Variants in VEZT observed in about 807,000 individuals in gnomAD.
VEZT encodes the protein vezatin, adherens junctions transmembrane protein, also known as vezatin.
A neutral mutation model predicts 79.9 loss-of-function variants in VEZT; 39 were observed. That is an observed-to-expected ratio of 0.49 (90% CI 0.38 to 0.64). The LOEUF (loss-of-function observed/expected upper bound fraction) is 0.64. Ranked by LOEUF, VEZT falls within the 30% of genes least tolerant of loss-of-function variation. VEZT has a pLI of 0.00. For missense variants in VEZT, 837 were observed against 893.1 expected, an observed-to-expected ratio of 0.94 and a Z score of 0.80; for synonymous variants, 325 against 327.6, an observed-to-expected ratio of 0.99 and a Z score of 0.09.
rs1290293292 is a variant in VEZT, at chr12:95,274,766, C to T, written c.873C>T (p.Asp291=). The T allele has an allele frequency of 6.8e-6, 11 of 1,613,108 alleles. No individual in the cohort carries two copies. Among genetic ancestry groups the T allele is most frequent in the Admixed American group, 6.7e-5 (4 of 59,888 alleles). ...CCTACCCCCTGAACTCTGAGAGTGA[C>T]AATGTAACCAACTACATCTGTGTGG... ...LKNYPLNSES[D]NVTNYICVVP... Residue 291 remains aspartate (D), a synonymous_variant, in exon 7 of 12, where the codon GAC becomes GAT. Transcript: ENST00000436874.
rs945060040 is a variant in VEZT at position 95,266,703 on chromosome 12, A to G, written c.710+71A>G. Reference sequence around the variant, plus strand: ...CCATAAAGGAGAATATTTATTACCTATTTTCATTTCTATGTTGCATTTATA... The same window carrying G: ...CCATAAAGGAGAATATTTATTACCTGTTTTCATTTCTATGTTGCATTTATA... On this transcript the variant is annotated intron_variant, in intron 5 of 11. Coordinates refer to ENST00000436874, the MANE Select transcript of VEZT (RefSeq NM_017599.4). 4 of 1,407,044 alleles carry G rather than the reference A, an allele frequency of 2.8e-6. No homozygotes were observed. In the African/African-American group the frequency reaches 5.8e-5, roughly 20 times the overall value. 87.2% of individuals were successfully genotyped at this position (1,407,044 alleles called of 1,614,324 possible).
Position 95,220,000 on chromosome 12 carries a change from C to T in VEZT, c.36+2114C>T, listed in dbSNP as rs181239035. ...TCTTCATATATTACTAAGCCTTTGT[C>T]ATACTTGCAGAAAAATTTCCAGTTT... is the stretch of plus-strand genomic sequence containing the variant. On this transcript the variant is annotated intron_variant, in intron 1 of 11. Coordinates refer to ENST00000436874, the MANE Select transcript of VEZT (RefSeq NM_017599.4). 5.3e-5 allele frequency among the ~76,000 whole-genome samples: 8 copies of T among 152,292 alleles called. No individual in the cohort carries two copies. In the East Asian group the frequency reaches 9.6e-4, roughly 18 times the overall value.
Position 95,300,532 on chromosome 12 carries a change from A to G in VEZT, c.2199A>G (p.Pro733=). ...KQRLARLQLS[P]DFTFTAGLAA... ...GGCTGGCACGGCTACAGCTGTCACCAGATTTTACCTTCACTGCTGGCCTTG... is the reference window on the plus strand; with the variant it reads ...GGCTGGCACGGCTACAGCTGTCACCGGATTTTACCTTCACTGCTGGCCTTG... The change falls in exon 12 of 12, where the codon CCA becomes CCG. Residue 733 remains proline, a synonymous_variant. Coordinates refer to ENST00000436874, the MANE Select transcript of VEZT (RefSeq NM_017599.4). 1 of 1,613,966 alleles carries G rather than the reference A, an allele frequency of 6.2e-7. No individual in the cohort carries two copies.
At position 95,286,401 on chromosome 12, in the gene VEZT, C is replaced by A. The variant is rs1428424960; in HGVS notation, c.1329-1263C>A. On this transcript the variant is annotated intron_variant, in intron 8 of 11. Transcript: ENST00000436874. ...TCATATTTGCCTTTTGTGCCAGCACCAAGTCTGCCTCATCTGAATCCTTCC... is the reference window on the plus strand; with the variant it reads ...TCATATTTGCCTTTTGTGCCAGCACAAAGTCTGCCTCATCTGAATCCTTCC... 4 of 509,442 alleles carry A rather than the reference C, an allele frequency of 7.9e-6. No individual in the cohort carries two copies. In the African/African-American group the frequency reaches 7.9e-5, roughly 10 times the overall value. 31.6% of individuals were successfully genotyped at this position (509,442 alleles called of 1,614,324 possible).
At position 95,300,532 on chromosome 12, in the gene VEZT, A is replaced by C. The variant is rs1387677166; in HGVS notation, c.2199A>C (p.Pro733=). The C allele has an allele frequency of 6.2e-7, 1 of 1,613,966 alleles. No individual in the cohort carries two copies. The highest frequency in any genetic ancestry group is 1.3e-5 in the African/African-American group (1 of 75,058). ...KQRLARLQLS[P]DFTFTAGLAA... ...GGCTGGCACGGCTACAGCTGTCACCAGATTTTACCTTCACTGCTGGCCTTG... is the reference window on the plus strand; with the variant it reads ...GGCTGGCACGGCTACAGCTGTCACCCGATTTTACCTTCACTGCTGGCCTTG... Residue 733 remains proline (P), a synonymous_variant, in exon 12 of 12, where the codon CCA becomes CCC. Transcript: ENST00000436874.
In VEZT at chr12:95,294,339, C is replaced by T. The variant is rs776691707; in HGVS notation, c.1590C>T (p.His530=). The change falls in exon 10 of 12, where the codon CAC becomes CAT. Residue 530 remains histidine, a synonymous_variant. Transcript: ENST00000436874. ...TVVPLKQPTL[H]IADKDPIPEE... is the part of the protein sequence containing the mutation. ...TACCTTTGAAGCAGCCTACTCTACA[C>T]ATTGCAGACAAAGATCCAATCCCAG... The T allele has an allele frequency of 1.6e-5, 26 of 1,588,340 alleles. No individual in the cohort carries two copies. Among genetic ancestry groups the T allele is most frequent in the South Asian group, 1.0e-4 (9 of 86,682 alleles).
intron 9 of VEZT, among the ~76,000 whole-genome samples, chr12:95,289,089 A>AAATAAATAAAT (rs1555292133): frequency 6.3e-4 from 64 of 101,724 alleles, no homozygotes; most frequent in African/African-American, 1.7e-3. Context: ...CTCAAAAAAA[A>AAATAAATAAAT]AAATAAATAA....
At chr12:95,284,644 G>A (rs750520460) in intron 8 of VEZT, among the ~76,000 whole-genome samples, 20 of 152,150 alleles carry the variant, frequency 1.3e-4, no homozygotes, top group African/African-American at 1.7e-4. Flanking sequence ...CAGCCAAACT[G>A]TATAAATGCC....
chr12:95,223,576 G>A (rs937239865), intron 1 of VEZT, among the ~76,000 whole-genome samples: 3 of 152,006 alleles, frequency 2.0e-5, no homozygotes, highest in Non-Finnish European at 4.4e-5. Context: ...TCAGCCTCCC[G>A]AGTAGCTGGG....
At chr12:95,265,307 T>C (rs1354116007) in intron 4 of VEZT, among the ~76,000 whole-genome samples, 1 of 151,974 alleles carries the variant, frequency 6.6e-6, no homozygotes, top group Non-Finnish European at 1.5e-5. Flanking sequence ...ACAAACCTTG[T>C]CCATATCATG....
rs1177678260 is a variant in VEZT, at chr12:95,300,149, T to C, written c.1832-16T>C. 7.3e-7 allele frequency: 1 copy of C among 1,370,302 alleles called. No individual in the cohort carries two copies. Among genetic ancestry groups the C allele is most frequent in the African/African-American group, 1.5e-5 (1 of 67,468 alleles). 84.9% of individuals were successfully genotyped at this position (1,370,302 alleles called of 1,614,324 possible). A position where few individuals can be genotyped will look rare whatever the true frequency, so the allele number is the denominator to read the frequency against. ...CTTAGTTATTTTTTTTCTTTTTTCT[T>C]TTTTTTTATTTGAAGCCGTGTTGAA... is the stretch of plus-strand genomic sequence containing the variant. On this transcript the variant is annotated splice_polypyrimidine_tract_variant and intron_variant, in intron 11 of 11. Coordinates refer to ENST00000436874, the MANE Select transcript of VEZT (RefSeq NM_017599.4).
intron 3 of VEZT, among the ~76,000 whole-genome samples, chr12:95,261,005 T>TAA (rs10626291): frequency 0.27 from 34,856 of 130,860 alleles, 4,664 homozygotes; most frequent in East Asian, 0.4. Context: ...CAGTAGATGG[T>TAA]AAAAAAAAAA....
intron 3 of VEZT, among the ~76,000 whole-genome samples, chr12:95,259,950 C>T (rs1304910086): frequency 1.3e-5 from 2 of 151,924 alleles, no homozygotes; most frequent in South Asian, 2.1e-4. Context: ...CAATTTAAAC[C>T]GTTATAATAA....
intron 7 of VEZT, among the ~76,000 whole-genome samples, chr12:95,280,473 CACACAT>C (rs1299966851): frequency 8.2e-6 from 1 of 122,244 alleles, no homozygotes; most frequent in Non-Finnish European, 1.9e-5. Context: ...TATGTGTACA[CACACAT>C]ACACACACAC....
At chr12:95,297,948 C>T (rs901015121) in intron 11 of VEZT, among the ~76,000 whole-genome samples, 1 of 151,940 alleles carries the variant, frequency 6.6e-6, no homozygotes, top group Non-Finnish European at 1.5e-5. Flanking sequence ...GGCGAAACCC[C>T]CTCTCTACTA....
At position 95,287,743 on chromosome 12, in the gene VEZT, A is replaced by G. The variant is rs759789967; in HGVS notation, c.1408A>G (p.Ile470Val). 5.0e-6 allele frequency: 8 copies of G among 1,603,270 alleles called. No individual in the cohort carries two copies. The highest frequency in any genetic ancestry group is 4.5e-5 in the East Asian group (2 of 44,648). ...TQELVSEAYP[I>V]LEQKLKLIQP... is the part of the protein sequence containing the mutation. ...AGAACTAGTGTCAGAGGCTTATCCC[A>G]TCCTAGAACAGAAATTAAAGTTGAT... The change falls in exon 9 of 12, where the codon ATC becomes GTC. Residue 470 changes from isoleucine to valine, a missense_variant. Physicochemically the swap from Ile to Val is conservative, Grantham distance 29. Coordinates refer to ENST00000436874, the MANE Select transcript of VEZT (RefSeq NM_017599.4).
At chr12:95,289,417 CAAAAAAAAA>C (rs146728004) in intron 9 of VEZT, among the ~76,000 whole-genome samples, 6 of 69,462 alleles carry the variant, frequency 8.6e-5, no homozygotes, top group African/African-American at 2.8e-4. Context: ...ACTCTTGTCT[CAAAAAAAAA>C]AAAAAAAAAA....
At chr12:95,260,492 T>A (rs1296072256) in intron 3 of VEZT, among the ~76,000 whole-genome samples, 2 of 152,168 alleles carry the variant, frequency 1.3e-5, no homozygotes, top group East Asian at 3.8e-4. Context: ...TTATCCCAGT[T>A]TTACACATAA....
chr12:95,254,442 G>C (rs1447726893), intron 2 of VEZT, among the ~76,000 whole-genome samples: 1 of 147,436 alleles, frequency 6.8e-6, no homozygotes, highest in African/African-American at 2.5e-5. Flanking sequence ...CATCTCCCAG[G>C]TTCAAGCAAT....
Sources: allele counts gnomAD v4.1 joint callset (sites outside exome capture counted in the v4.1 genomes callset), GRCh38; gene constraint gnomAD v4.1.1; transcripts MANE v1.5; gene names NCBI Gene and HGNC (gene_info 2026-07-23, HGNC 2026-07-21).